EPB41L1: variants seen among roughly 807,000 people sequenced by gnomAD.
EPB41L1 encodes the protein band 4.1-like protein 1.
In EPB41L1, 29 loss-of-function variants were observed where a neutral mutation model predicts 97.8. The observed-to-expected ratio is 0.30, with a 90% CI of 0.22 to 0.40. EPB41L1 has a LOEUF of 0.40. Among genes scored for constraint, EPB41L1 ranks in the 10% least tolerant of loss-of-function variants. EPB41L1 has a pLI of 1.00. For missense variants in EPB41L1, 812 were observed against 1,162.3 expected (o/e 0.70, Z 4.38); for synonymous variants, 383 against 459.2 (o/e 0.83, Z 2.12).
In EPB41L1 at chr20:36,195,491, C is replaced by T; in HGVS notation, c.1485+127C>T. 9.1e-7 allele frequency: 1 copy of T among 1,097,134 alleles called. No homozygotes were observed. The highest frequency in any genetic ancestry group is 1.4e-6 in the Non-Finnish European group (1 of 731,418). 68.0% of individuals were successfully genotyped at this position (1,097,134 alleles called of 1,614,324 possible). On this transcript the variant is annotated intron_variant, in intron 13 of 21. Coordinates refer to ENST00000338074, the MANE Select transcript of EPB41L1 (RefSeq NM_012156.2). The surrounding 1 kb of genome is among the most constrained non-coding windows in gnomAD (Gnocchi z 4.6). ...TCAGCTTCAACTTCATCTCTGCTCC[C>T]CAGCCATCCCCCTCTGCAGCCGTCC...
Position 36,206,806 on chromosome 20 carries a change from G to A in EPB41L1, c.1669-2682G>A. 7.8e-7 allele frequency: 1 copy of A among 1,289,886 alleles called. No individual in the cohort carries two copies. Among genetic ancestry groups the A allele is most frequent in the Non-Finnish European group, 1.0e-6 (1 of 988,888 alleles). The allele number at this position is 1,289,886 out of a possible 1,614,324, so 79.9% of individuals were successfully genotyped here. Reference sequence around the variant, plus strand: ...CCTGACAGCCAGCGCAGCCCGAGAGGAAGGGACCCCCGTGAGTGGAGATTT... The same window carrying A: ...CCTGACAGCCAGCGCAGCCCGAGAGAAAGGGACCCCCGTGAGTGGAGATTT... On this transcript the variant is annotated intron_variant, in intron 14 of 21. Coordinates refer to ENST00000338074, the MANE Select transcript of EPB41L1 (RefSeq NM_012156.2). This position sits in a 1 kb window ranked among gnomAD's most constrained non-coding sequence, Gnocchi z 5.5.
rs768106738 is a variant in EPB41L1, at chr20:36,227,312, TAAAAAAC to T, written c.2638-2005_2638-1999del. ...AGCCTGGCAATAGAGCAAGACCCTG[TAAAAAAC>T]AAAAAACAAAAAACGAAACGAAGGA... On this transcript the variant is annotated intron_variant, in intron 21 of 21. Transcript: ENST00000338074. 1.1e-4 allele frequency among the ~76,000 whole-genome samples: 17 copies of T among 151,778 alleles called. No individual in the cohort carries two copies. In the East Asian group the frequency reaches 1.4e-3, roughly 12 times the overall value.
rs775453295 is a variant in EPB41L1 at position 36,206,522 on chromosome 20, C to T, written c.1669-2966C>T. On this transcript the variant is annotated intron_variant, in intron 14 of 21. Coordinates refer to ENST00000338074, the MANE Select transcript of EPB41L1 (RefSeq NM_012156.2). This position sits in a 1 kb window ranked among gnomAD's most constrained non-coding sequence, Gnocchi z 5.5. The stretch of plus-strand genomic sequence containing the variant: ...TCAGAAGACCAAGTCCTCCCTCCAC[C>T]CCTGGAGGAGAGAAAAGGGCGCCTG... 24 of 1,289,664 alleles carry T rather than the reference C, an allele frequency of 1.9e-5. No homozygotes were observed. The East Asian group carries it at 3.9e-4, about 21-fold the overall frequency. 79.9% of individuals were successfully genotyped at this position (1,289,664 alleles called of 1,614,324 possible).
chr20:36,208,796 T>C (rs1243897481), intron 14 of EPB41L1, among the ~76,000 whole-genome samples: 1 of 152,212 alleles, frequency 6.6e-6, no homozygotes, highest in Non-Finnish European at 1.5e-5. Context: ...CTTGGCCCGC[T>C]GTTGTCAATT....
In EPB41L1 at chr20:36,141,946, A is replaced by G. The variant is rs376619168; in HGVS notation, c.-10+29466A>G. ...AACATGGTGAAACCCTGTCTCTTCT[A>G]AAAATACAAAAATTAACCAGGCGTG... is the stretch of plus-strand genomic sequence containing the variant. On this transcript the variant is annotated intron_variant, in intron 2 of 19. Coordinates refer to the EPB41L1 transcript ENST00000202028. Among the ~76,000 whole-genome samples, 474 of 148,476 alleles carry G rather than the reference A, an allele frequency of 3.2e-3. 7 individuals are homozygous for G. Among genetic ancestry groups the G allele is most frequent in the African/African-American group, 0.012 (447 of 38,812 alleles).
In EPB41L1 at chr20:36,207,549, G is replaced by A. The variant is rs2062892607; in HGVS notation, c.1669-1939G>A. On this transcript the variant is annotated intron_variant, in intron 14 of 21. Transcript: ENST00000338074. The surrounding 1 kb of genome is among the most constrained non-coding windows in gnomAD (Gnocchi z 4.9). ...ATGACGTATCTTCAGAGGCACCCGT[G>A]GGACAAGCAGAGCAGCAGCGGAGTA... 1 of 1,289,910 alleles carries A rather than the reference G, an allele frequency of 7.8e-7. No homozygotes were observed. Among genetic ancestry groups the A allele is most frequent in the South Asian group, 1.2e-5 (1 of 81,034 alleles). The allele number at this position is 1,289,910 out of a possible 1,614,324, so 79.9% of individuals were successfully genotyped here.
intron 2 of EPB41L1, among the ~76,000 whole-genome samples, chr20:36,138,077 A>G (rs1467406407): frequency 6.6e-6 from 1 of 152,192 alleles, no homozygotes; most frequent in Admixed American, 6.5e-5. Flanking sequence ...ATAATATTCC[A>G]TTGTATATAT....
At chr20:36,182,434 T>G in intron 6 of EPB41L1, 87 bp downstream of exon 6, 2 of 1,424,564 alleles carry the variant, frequency 1.4e-6, no homozygotes, top group South Asian at 2.3e-5. Flanking sequence ...AGGCAGTATG[T>G]GACAGCAGCT....
intron 21 of EPB41L1, among the ~76,000 whole-genome samples, chr20:36,225,186 C>G (rs1039167299): frequency 6.6e-6 from 1 of 152,240 alleles, no homozygotes; most frequent in Non-Finnish European, 1.5e-5. Context: ...CAGCACTGGT[C>G]TAGAAGTGTA....
chr20:36,186,830 C>T (rs900491712), intron 7 of EPB41L1, among the ~76,000 whole-genome samples: 6 of 152,190 alleles, frequency 3.9e-5, no homozygotes, highest in Non-Finnish European at 7.3e-5. Context: ...GTATCCCACA[C>T]AGCAGCCCAG....
chr20:36,207,834 T>C lies in EPB41L1; in HGVS notation c.1669-1654T>C. ...ACCGCTGCTCCCCGCCCATGGGGGC[T>C]GGCCGCATGCTCTGTAGTTTTTAGA... On this transcript the variant is annotated intron_variant, in intron 14 of 21. Transcript: ENST00000338074. This position sits in a 1 kb window ranked among gnomAD's most constrained non-coding sequence, Gnocchi z 4.9. 8.0e-7 allele frequency: 1 copy of C among 1,252,228 alleles called. No individual in the cohort carries two copies. 77.6% of individuals were successfully genotyped at this position (1,252,228 alleles called of 1,614,324 possible).
chr20:36,158,194 G>T (rs968905365), intron 1 of EPB41L1, among the ~76,000 whole-genome samples: 3 of 152,154 alleles, frequency 2.0e-5, no homozygotes, highest in African/African-American at 7.2e-5. Context: ...GTTCCTGAAG[G>T]CCATGCCAGG....
chr20:36,132,247 G>C (rs557641220), intron 2 of EPB41L1, among the ~76,000 whole-genome samples: 1 of 152,176 alleles, frequency 6.6e-6, no homozygotes, highest in African/African-American at 2.4e-5. Context: ...CCGAAGTCAG[G>C]GTGTTGGCAG....
chr20:36,186,635 A>T (rs1569245675), intron 7 of EPB41L1, among the ~76,000 whole-genome samples: 2 of 152,182 alleles, frequency 1.3e-5, no homozygotes, highest in Non-Finnish European at 2.9e-5. Flanking sequence ...TGGGCATAGG[A>T]ATAGGGAGTA....
At chr20:36,185,797 T>A (rs1326582850) in intron 7 of EPB41L1, among the ~76,000 whole-genome samples, 1 of 152,192 alleles carries the variant, frequency 6.6e-6, no homozygotes, top group Non-Finnish European at 1.5e-5. Flanking sequence ...TTTCCTCATC[T>A]GTTCAAGGTG....
At chr20:36,177,806 C>T (rs1381934059) in intron 3 of EPB41L1, 146 bp from the exon 4 acceptor site, 3 of 706,760 alleles carry the variant, frequency 4.2e-6, no homozygotes, top group Non-Finnish European at 5.1e-6. Flanking sequence ...AGGGCAGAGC[C>T]AAGTGGGTGG....
At chr20:36,196,232 T>C (rs1345132507) in intron 13 of EPB41L1, among the ~76,000 whole-genome samples, 1 of 152,190 alleles carries the variant, frequency 6.6e-6, no homozygotes, top group East Asian at 1.9e-4. Flanking sequence ...TCTTGGGAAA[T>C]TCCCCTCAGG....
At chr20:36,104,461 G>A (rs1018122381) in intron 1 of EPB41L1, among the ~76,000 whole-genome samples, 1 of 152,188 alleles carries the variant, frequency 6.6e-6, no homozygotes, top group African/African-American at 2.4e-5. Flanking sequence ...GAATTTGGGG[G>A]AGTGATGACT....
rs912009487 is a variant in EPB41L1, at chr20:36,195,219, C to T, written c.1450-110C>T. ...CCAGCTGCCCTGGCCTCCACTTGGTCGAGTGTGCGTGCTCTGGGCTCCTTG... is the reference window on the plus strand; with the variant it reads ...CCAGCTGCCCTGGCCTCCACTTGGTTGAGTGTGCGTGCTCTGGGCTCCTTG... On this transcript the variant is annotated intron_variant, in intron 12 of 21. Transcript: ENST00000338074. This position sits in a 1 kb window ranked among gnomAD's most constrained non-coding sequence, Gnocchi z 4.6. 2.1e-5 allele frequency: 28 copies of T among 1,355,884 alleles called. No individual in the cohort carries two copies. Among genetic ancestry groups the T allele is most frequent in the Admixed American group, 5.4e-5 (3 of 56,044 alleles). 84.0% of individuals were successfully genotyped at this position (1,355,884 alleles called of 1,614,324 possible). A position where few individuals can be genotyped will look rare whatever the true frequency, so the allele number is the denominator to read the frequency against.
Sources: allele counts gnomAD v4.1 joint callset (sites outside exome capture counted in the v4.1 genomes callset), GRCh38; gene constraint gnomAD v4.1.1; non-coding constraint Gnocchi (gnomAD v3.1); transcripts MANE v1.5; gene names NCBI Gene and HGNC (gene_info 2026-07-23, HGNC 2026-07-21).